BMPR1A: variants seen among roughly 807,000 people sequenced by gnomAD.
BMPR1A encodes bone morphogenetic protein receptor type 1A, also known as bone morphogenetic protein receptor type-1A.
Under a neutral mutation model 66.0 loss-of-function variants are expected in BMPR1A, and 7 were observed. The observed-to-expected ratio is 0.11, with a 90% CI of 0.06 to 0.20. The LOEUF (loss-of-function observed/expected upper bound fraction) is 0.20, where lower values mean the gene tolerates loss of function less well. Ranked by LOEUF, BMPR1A falls within the 10% of genes least tolerant of loss-of-function variation. The probability of loss-of-function intolerance (pLI) is 1.00; values close to 1 mark genes in which losing one functional copy is unlikely to be tolerated. For missense variants in BMPR1A, 408 were observed against 669.1 expected, an observed-to-expected ratio of 0.61 and a Z score of 4.31; for synonymous variants, 200 against 229.7, an observed-to-expected ratio of 0.87 and a Z score of 1.17.
chr10:86,794,109 A>G lies in BMPR1A; in HGVS notation c.-268+37190A>G, dbSNP rs554786614. On this transcript the variant is annotated intron_variant, in intron 1 of 12. Transcript: ENST00000372037. ...TTGGACCCTTAGTCACACATCTGCA[A>G]AGTCCCTTTTGCCATTTAAATAACA... Among the ~76,000 whole-genome samples, 317 of 152,306 alleles carry G rather than the reference A, an allele frequency of 2.1e-3. 1 individual carries two copies. Among genetic ancestry groups the G allele is most frequent in the African/African-American group, 7.3e-3 (305 of 41,568 alleles).
chr10:86,920,507 C>A (rs1409500421), intron 10 of BMPR1A, among the ~76,000 whole-genome samples: 1 of 152,112 alleles, frequency 6.6e-6, no homozygotes, highest in Non-Finnish European at 1.5e-5. Flanking sequence ...ATAAAAGTAC[C>A]AGTCTTTAAA....
At chr10:86,891,973 C>G (rs533037068) in intron 4 of BMPR1A, among the ~76,000 whole-genome samples, 154 bp from the exon 5 acceptor site, 180 of 152,364 alleles carry the variant, frequency 1.2e-3, no homozygotes, top group Middle Eastern at 3.4e-3. Flanking sequence ...CTTAAAACCT[C>G]TGGCGTTGCC....
rs11450437 is a variant in BMPR1A at position 86,925,721 on chromosome 10, CTT to C, written c.*2018_*2019del. 2.4e-3 allele frequency: 283 copies of C among 116,904 alleles called. No individual in the cohort carries two copies. Among genetic ancestry groups the C allele is most frequent in the Middle Eastern group, 0.011 (3 of 282 alleles). 7.2% of individuals were successfully genotyped at this position (116,904 alleles called of 1,614,324 possible). Reference sequence around the variant, plus strand: ...CATAATCTTTAAAATCATTTGTCATCTTTTTTTTTTTTTTTTTGAGACGGAGT... The same window carrying C: ...CATAATCTTTAAAATCATTTGTCATCTTTTTTTTTTTTTTTGAGACGGAGT... On this transcript the variant is annotated 3_prime_UTR_variant, in exon 13 of 13. Transcript: ENST00000372037.
At chr10:86,838,483 AGGT>A (rs1842381467) in intron 1 of BMPR1A, among the ~76,000 whole-genome samples, 1 of 152,112 alleles carries the variant, frequency 6.6e-6, no homozygotes, top group Admixed American at 6.5e-5. Context: ...GATATTAGCT[AGGT>A]GGTCCAATAT....
chr10:86,761,291 T>G (rs1183658616), intron 1 of BMPR1A, among the ~76,000 whole-genome samples: 2 of 152,180 alleles, frequency 1.3e-5, no homozygotes, highest in Non-Finnish European at 2.9e-5. Context: ...TTGTTACTCT[T>G]TTATAGTTTT....
intron 1 of BMPR1A, among the ~76,000 whole-genome samples, chr10:86,783,900 T>C (rs1277574463): frequency 6.6e-6 from 1 of 152,260 alleles, no homozygotes; most frequent in Non-Finnish European, 1.5e-5. Flanking sequence ...GTTATTTTCT[T>C]AATTTCCTTT....
At chr10:86,826,405 C>A (rs1020222347) in intron 1 of BMPR1A, among the ~76,000 whole-genome samples, 44 of 132,538 alleles carry the variant, frequency 3.3e-4, no homozygotes, top group African/African-American at 1.3e-3. Context: ...AGAAACCAAT[C>A]AAGGAAACAC....
intron 5 of BMPR1A, among the ~76,000 whole-genome samples, chr10:86,895,542 A>G (rs1289514098): frequency 6.6e-6 from 1 of 152,168 alleles, no homozygotes; most frequent in East Asian, 1.9e-4. Flanking sequence ...CCATCCAAAA[A>G]AAAAAAAATT....
At chr10:86,880,864 C>G (rs1317765240) in intron 3 of BMPR1A, among the ~76,000 whole-genome samples, 1 of 151,964 alleles carries the variant, frequency 6.6e-6, no homozygotes, top group Non-Finnish European at 1.5e-5. Context: ...TCAAACAAAT[C>G]AAATATGTTT....
chr10:86,869,669 A>T (rs1411987203), intron 2 of BMPR1A, among the ~76,000 whole-genome samples: 1 of 152,110 alleles, frequency 6.6e-6, no homozygotes, highest in Non-Finnish European at 1.5e-5. Context: ...AGGCGGGAGA[A>T]TCGCTTGAAC....
At chr10:86,888,843 A>G (rs1447788531) in intron 3 of BMPR1A, among the ~76,000 whole-genome samples, 3 of 152,034 alleles carry the variant, frequency 2.0e-5, no homozygotes, top group African/African-American at 7.2e-5. Context: ...AAAAAAAAAA[A>G]AAGTGAAAAT....
chr10:86,819,067 C>T (rs1842077270), intron 1 of BMPR1A, among the ~76,000 whole-genome samples: 1 of 152,120 alleles, frequency 6.6e-6, no homozygotes, highest in Admixed American at 6.5e-5. Flanking sequence ...AAGCCAGCCA[C>T]GTATTAAACA....
At chr10:86,815,721 A>C (rs1589729305) in intron 1 of BMPR1A, among the ~76,000 whole-genome samples, 2 of 152,100 alleles carry the variant, frequency 1.3e-5, no homozygotes, top group African/African-American at 4.8e-5. Flanking sequence ...CCTCACACCC[A>C]CCCACGCGGC....
intron 1 of BMPR1A, among the ~76,000 whole-genome samples, chr10:86,804,792 G>GTTTTTTTTTTTTTTT (rs5786747): frequency 1.7e-5 from 1 of 57,268 alleles, no homozygotes. Context: ...GTTTGTAGGT[G>GTTTTTTTTTTTTTTT]TTTTTTTTTT....
intron 1 of BMPR1A, among the ~76,000 whole-genome samples, chr10:86,794,714 C>T (rs776880748): frequency 2.2e-4 from 33 of 151,678 alleles, no homozygotes; most frequent in Non-Finnish European, 4.6e-4. Context: ...TCACATATTT[C>T]CTTTATTAAA....
At chr10:86,806,615 G>A (rs1031413678) in intron 1 of BMPR1A, among the ~76,000 whole-genome samples, 2 of 151,934 alleles carry the variant, frequency 1.3e-5, no homozygotes, top group East Asian at 3.9e-4. Flanking sequence ...GTGGTGGTGC[G>A]ATCACAGCTC....
chr10:86,874,932 C>T (rs1372711963), intron 2 of BMPR1A, among the ~76,000 whole-genome samples: 2 of 149,300 alleles, frequency 1.3e-5, no homozygotes, highest in East Asian at 2.1e-4. Flanking sequence ...ACCATGCTGG[C>T]CAGGCTGGTC....
chr10:86,884,796 C>T (rs1284159810), intron 3 of BMPR1A, among the ~76,000 whole-genome samples: 1 of 152,200 alleles, frequency 6.6e-6, no homozygotes, highest in East Asian at 1.9e-4. Context: ...ATGGATGACA[C>T]TGCATGTCAG....
chr10:86,836,675 G>A (rs1842352305), intron 1 of BMPR1A, among the ~76,000 whole-genome samples: 1 of 152,192 alleles, frequency 6.6e-6, no homozygotes, highest in Non-Finnish European at 1.5e-5. Context: ...GTGTTCGCCT[G>A]TAGTCCCAGC....
Sources: gnomAD v4.1 joint callset for allele counts (sites outside exome capture counted in the v4.1 genomes callset) on GRCh38, gnomAD v4.1.1 for gene constraint, MANE v1.5 for transcripts, NCBI Gene and HGNC (gene_info 2026-07-23, HGNC 2026-07-21) for gene names.